The following ODAD2 variants were observed in gnomAD, a reference collection of about 807,000 sequenced individuals.
ODAD2 encodes outer dynein arm-docking complex subunit 2.
A neutral mutation model predicts 106.8 loss-of-function variants in ODAD2; 89 were observed. That is an observed-to-expected ratio of 0.83 (90% CI 0.70 to 0.99). The LOEUF (loss-of-function observed/expected upper bound fraction) is 0.99. Among genes scored for constraint, ODAD2 ranks in the 50% least tolerant of loss-of-function variants. ODAD2 has a pLI of 0.00. For synonymous variants in ODAD2, 404 were observed against 436.2 expected (o/e 0.93, Z 0.92); for missense variants, 1,168 against 1,238.5 (o/e 0.94, Z 0.85).
rs139635404 is a variant in ODAD2 at position 27,825,030 on chromosome 10, C to G, written c.3022-12405G>C. ...ACAGAGCTGAACTCCTAATCCTCCC[C>G]TTTCAAACCTTATTTCCCACAGCCT... On this transcript the variant is annotated intron_variant, in intron 19 of 19. Coordinates refer to ENST00000305242, the MANE Select transcript of ODAD2 (RefSeq NM_018076.5). Among the ~76,000 whole-genome samples, 6 of 152,276 alleles carry G rather than the reference C, an allele frequency of 3.9e-5. No homozygotes were observed. The East Asian group carries it at 1.2e-3, about 29-fold the overall frequency.
At chr10:27,868,578 C>A (rs903856683) in intron 17 of ODAD2, among the ~76,000 whole-genome samples, 1 of 152,070 alleles carries the variant, frequency 6.6e-6, no homozygotes, top group Non-Finnish European at 1.5e-5. Flanking sequence ...AACTAACACA[C>A]GAACAGAAAA....
At chr10:27,933,056 G>A (rs1167348598) in intron 16 of ODAD2, among the ~76,000 whole-genome samples, 1 of 152,112 alleles carries the variant, frequency 6.6e-6, no homozygotes, top group African/African-American at 2.4e-5. Context: ...AGGAGTTCAA[G>A]ACTAACTTGG....
Position 27,841,459 on chromosome 10 carries a change from G to A in ODAD2, c.3021+19166C>T, listed in dbSNP as rs187564605. Among the ~76,000 whole-genome samples the A allele has an allele frequency of 1.2e-4, 18 of 151,402 alleles. 1 individual carries two copies. In the East Asian group the frequency reaches 3.3e-3, roughly 28 times the overall value. The stretch of plus-strand genomic sequence containing the variant: ...CACCTAGGCTGGAGTGCAGTGGTGC[G>A]ATCTCAGCTCACTGCAACCTCCACC... On this transcript the variant is annotated intron_variant, in intron 19 of 19. Coordinates refer to ENST00000305242, the MANE Select transcript of ODAD2 (RefSeq NM_018076.5).
At chr10:27,976,870 C>T (rs1422033606) in intron 7 of ODAD2, among the ~76,000 whole-genome samples, 1 of 152,032 alleles carries the variant, frequency 6.6e-6, no homozygotes, top group Non-Finnish European at 1.5e-5. Flanking sequence ...GTAATCAAGA[C>T]TGTGGTATTG....
At chr10:27,969,837 G>C (rs1486538683) in intron 8 of ODAD2, among the ~76,000 whole-genome samples, 1 of 152,150 alleles carries the variant, frequency 6.6e-6, no homozygotes, top group African/African-American at 2.4e-5. Context: ...TGGGTGCAGT[G>C]GCTCACACCT....
At chr10:27,910,931 A>G (rs1157012752) in intron 16 of ODAD2, among the ~76,000 whole-genome samples, 2 of 152,174 alleles carry the variant, frequency 1.3e-5, no homozygotes, top group Non-Finnish European at 2.9e-5. Context: ...GTTTTCATCA[A>G]CCAATCAATA....
At chr10:27,974,716 C>T (rs548533261) in intron 7 of ODAD2, among the ~76,000 whole-genome samples, 82 of 149,082 alleles carry the variant, frequency 5.5e-4, no homozygotes, top group African/African-American at 1.9e-3. Context: ...TTAGGATTGC[C>T]TTGGCTATTC....
intron 19 of ODAD2, among the ~76,000 whole-genome samples, chr10:27,856,882 G>A (rs1211208041): frequency 1.3e-5 from 2 of 152,044 alleles, no homozygotes; most frequent in African/African-American, 2.4e-5. Context: ...CAGGAGAATC[G>A]CTCGAACCCA....
chr10:27,985,215 CCA>C lies in ODAD2; in HGVS notation c.383-6_383-5del. 3 of 1,365,052 alleles carry C rather than the reference CCA, an allele frequency of 2.2e-6. No individual in the cohort carries two copies. Among genetic ancestry groups the C allele is most frequent in the East Asian group, 3.0e-5 (1 of 33,334 alleles). The allele number at this position is 1,365,052 out of a possible 1,614,324, so 84.6% of individuals were successfully genotyped here. A position where few individuals can be genotyped will look rare whatever the true frequency, so the allele number is the denominator to read the frequency against. Reference sequence around the variant, plus strand: ...TTTACTATGGGGTCTCTGTTAGCTGCCAAAAAAAAAAAAAAGGAGACAAATAA... The same window carrying C: ...TTTACTATGGGGTCTCTGTTAGCTGCAAAAAAAAAAAAAGGAGACAAATAA... On this transcript the variant is annotated splice_polypyrimidine_tract_variant and splice_region_variant and intron_variant, in intron 3 of 19. Transcript: ENST00000305242.
At chr10:27,981,349 C>A (rs1194645145) in intron 7 of ODAD2, 117 bp downstream of exon 7, 29 of 886,036 alleles carry the variant, frequency 3.3e-5, no homozygotes, top group South Asian at 5.0e-5. Context: ...TAAAAAAAAA[C>A]CACTAATAAT....
intron 12 of ODAD2, 33 bp from the exon 13 acceptor site, chr10:27,940,838 A>C (rs1437989279): frequency 1.9e-6 from 3 of 1,596,038 alleles, no homozygotes; most frequent in East Asian, 4.5e-5. Flanking sequence ...TGTTCATGGA[A>C]ATCTTAAAAA....
chr10:27,947,300 GC>G (rs894248785), intron 10 of ODAD2, among the ~76,000 whole-genome samples: 1 of 152,062 alleles, frequency 6.6e-6, no homozygotes, highest in Admixed American at 6.6e-5. Context: ...TATTTTATAA[GC>G]CATAAAGAAG....
chr10:27,879,994 G>A lies in ODAD2; in HGVS notation c.2611-17372C>T, dbSNP rs146576050. The stretch of plus-strand genomic sequence containing the variant: ...TAATGCAGAATTCCAGATGTGGTCC[G>A]ACAAGAGCAGAGTGTAGCGGAATTC... On this transcript the variant is annotated intron_variant, in intron 17 of 19. Transcript: ENST00000305242. Among the ~76,000 whole-genome samples the A allele has an allele frequency of 5.6e-3, 858 of 152,244 alleles. 5 individuals are homozygous for A. Among genetic ancestry groups the A allele is most frequent in the African/African-American group, 0.019 (808 of 41,546 alleles).
intron 10 of ODAD2, among the ~76,000 whole-genome samples, chr10:27,959,305 G>A (rs1847955731): frequency 6.6e-6 from 1 of 151,662 alleles, no homozygotes; most frequent in African/African-American, 2.4e-5. Context: ...GGCAGGCTAA[G>A]CCCCAATGGC....
intron 16 of ODAD2, among the ~76,000 whole-genome samples, chr10:27,915,436 C>T (rs4749285): frequency 0.57 from 85,960 of 151,740 alleles, 24,607 homozygotes; most frequent in Middle Eastern, 0.65. Flanking sequence ...AGGAGCTCTC[C>T]GGGGACTCTT....
intron 17 of ODAD2, among the ~76,000 whole-genome samples, chr10:27,866,649 A>C (rs1023691925): frequency 2.0e-5 from 3 of 152,180 alleles, no homozygotes; most frequent in African/African-American, 7.2e-5. Flanking sequence ...GCTTCCACTC[A>C]TGGTAGAAGG....
At chr10:27,965,878 T>A (rs1184228725) in intron 9 of ODAD2, among the ~76,000 whole-genome samples, 1 of 152,212 alleles carries the variant, frequency 6.6e-6, no homozygotes, top group African/African-American at 2.4e-5. Flanking sequence ...TAGAAGTTTC[T>A]AACTCAACAT....
intron 19 of ODAD2, among the ~76,000 whole-genome samples, chr10:27,823,798 G>A (rs888604558): frequency 3.9e-5 from 6 of 152,072 alleles, no homozygotes; most frequent in Non-Finnish European, 8.8e-5. Context: ...CCGTTAGATA[G>A]TCAAAAACAA....
intron 17 of ODAD2, among the ~76,000 whole-genome samples, chr10:27,876,167 T>G (rs1035604005): frequency 1.4e-4 from 22 of 152,158 alleles, no homozygotes; most frequent in Non-Finnish European, 2.8e-4. Context: ...CAGACTTAAA[T>G]GTCCCTGTCT....
Sources: allele counts gnomAD v4.1 joint callset (sites outside exome capture counted in the v4.1 genomes callset), GRCh38; gene constraint gnomAD v4.1.1; transcripts MANE v1.5; gene names NCBI Gene and HGNC (gene_info 2026-07-23, HGNC 2026-07-21).